The following MBP variants were observed in gnomAD, a reference collection of about 807,000 sequenced individuals.
MBP encodes the protein Golli-MBP.
A neutral mutation model predicts 35.8 loss-of-function variants in MBP; 16 were observed. The ratio of observed to expected loss-of-function variants is 0.45; its 90% CI spans 0.30 to 0.68. MBP has a LOEUF of 0.68. MBP is among the 30% of genes least tolerant of loss of function. The pLI is 0.08. For synonymous variants in MBP, 143 were observed against 159.6 expected (o/e 0.90, Z 0.78); for missense variants, 380 against 404.7 (o/e 0.94, Z 0.52).
rs1248971304 is a variant in MBP at position 77,028,539 on chromosome 18, G to A, written c.140-11271C>T. ...CCAGACGGGGTGGTGGCCGGGCAGA[G>A]GGGCTCCTCACTTCCCAGTAGGGGC... On this transcript the variant is annotated intron_variant, in intron 3 of 8. Coordinates refer to ENST00000355994, the MANE Select transcript of MBP (RefSeq NM_001025101.2). Among the ~76,000 whole-genome samples the A allele has an allele frequency of 6.6e-3, 633 of 96,326 alleles. 1 individual carries two copies. Among genetic ancestry groups the A allele is most frequent in the African/African-American group, 0.018 (595 of 32,472 alleles). 63.2% of individuals were successfully genotyped at this position (96,326 alleles called of 152,430 possible). A position where few individuals can be genotyped will look rare whatever the true frequency, so the allele number is the denominator to read the frequency against.
intron 3 of MBP, among the ~76,000 whole-genome samples, chr18:77,043,571 T>A (rs470479): frequency 0.78 from 117,262 of 150,956 alleles, 45,439 homozygotes; most frequent in Admixed American, 0.83. Flanking sequence ...CCTGCTGCGA[T>A]CATCCCAGGC....
At chr18:76,999,638 C>T (rs554848805) in intron 4 of MBP, among the ~76,000 whole-genome samples, 5 of 152,014 alleles carry the variant, frequency 3.3e-5, no homozygotes, top group East Asian at 3.9e-4. Context: ...TCAGTGGAGA[C>T]GAGTTTCACC....
At chr18:77,090,319 C>A (rs1156477236) in intron 2 of MBP, among the ~76,000 whole-genome samples, 2 of 152,210 alleles carry the variant, frequency 1.3e-5, no homozygotes, top group African/African-American at 2.4e-5. Context: ...TCACATCCTA[C>A]CATTTGCCTC....
At chr18:76,994,279 A>G (rs151299994) in intron 4 of MBP, among the ~76,000 whole-genome samples, 176 of 152,346 alleles carry the variant, frequency 1.2e-3, no homozygotes, top group African/African-American at 3.9e-3. Context: ...TTTGGATAGC[A>G]TTTCTCCATT....
In MBP at chr18:77,033,757, CCCATCCATCCAT is replaced by C. The variant is rs145059208; in HGVS notation, c.140-16501_140-16490del. Among the ~76,000 whole-genome samples, 1,142 of 120,558 alleles carry C rather than the reference CCCATCCATCCAT, an allele frequency of 9.5e-3. 42 individuals carry two copies. In the East Asian group the frequency reaches 0.12, roughly 12 times the overall value. The allele number at this position is 120,558 out of a possible 152,430, so 79.1% of individuals were successfully genotyped here. A position where few individuals can be genotyped will look rare whatever the true frequency, so the allele number is the denominator to read the frequency against. ...ATTTATCTACCTATGCATCAATCCA[CCCATCCATCCAT>C]CCATCCATCCATCCATCCATCCATC... is the stretch of plus-strand genomic sequence containing the variant. On this transcript the variant is annotated intron_variant, in intron 3 of 8. Coordinates refer to ENST00000355994, the MANE Select transcript of MBP (RefSeq NM_001025101.2).
At chr18:77,128,715 A>G (rs1265927304) in intron 1 of MBP, among the ~76,000 whole-genome samples, 1 of 152,218 alleles carries the variant, frequency 6.6e-6, no homozygotes, top group Non-Finnish European at 1.5e-5. Flanking sequence ...GTGAATCTAC[A>G]TGATCTCAAA....
At chr18:77,098,847 T>A (rs1484867934) in intron 2 of MBP, among the ~76,000 whole-genome samples, 5 of 152,188 alleles carry the variant, frequency 3.3e-5, no homozygotes, top group Non-Finnish European at 4.4e-5. Context: ...TCCTTGTTCC[T>A]CCTCCGCGCT....
chr18:77,003,014 G>A (rs1363624784), intron 4 of MBP: 1 of 152,196 alleles, frequency 6.6e-6, no homozygotes, highest in Admixed American at 6.5e-5. Flanking sequence ...AATGAGGGAA[G>A]CTTCAATTGC....
At chr18:77,081,749 C>CATATAT (rs3056773) in intron 2 of MBP, among the ~76,000 whole-genome samples, 1 of 136,172 alleles carries the variant, frequency 7.3e-6, no homozygotes, top group Non-Finnish European at 1.5e-5. Flanking sequence ...TTCATAGCAG[C>CATATAT]ATATATATAT....
chr18:76,993,573 A>C (rs891501720), intron 4 of MBP, among the ~76,000 whole-genome samples: 3 of 151,714 alleles, frequency 2.0e-5, no homozygotes, highest in Non-Finnish European at 2.9e-5. Flanking sequence ...AAAAAACAAA[A>C]GATCCCATTT....
At chr18:77,002,469 G>GT (rs1171421322) in intron 4 of MBP, among the ~76,000 whole-genome samples, 1 of 152,232 alleles carries the variant, frequency 6.6e-6, no homozygotes. Flanking sequence ...TCTTAATCAA[G>GT]TAAGTGGTCC....
chr18:76,982,537 G>A (rs1049376221), intron 8 of MBP: 2 of 152,192 alleles, frequency 1.3e-5, no homozygotes, highest in East Asian at 1.9e-4. Flanking sequence ...TGTAGTTTCC[G>A]AGTGATGGGG....
Position 77,096,073 on chromosome 18 carries a change from G to A in MBP, c.51+9138C>T, listed in dbSNP as rs192695862. On this transcript the variant is annotated intron_variant, in intron 2 of 8. Coordinates refer to ENST00000355994, the MANE Select transcript of MBP (RefSeq NM_001025101.2). ...TAAATACCCTGACAATCTCTTGCACGTAGGATAAAATGTTGCAGGATTTAT... is the reference window on the plus strand; with the variant it reads ...TAAATACCCTGACAATCTCTTGCACATAGGATAAAATGTTGCAGGATTTAT... 1.7e-3 allele frequency among the ~76,000 whole-genome samples: 254 copies of A among 152,346 alleles called. 1 individual carries two copies. Among genetic ancestry groups the A allele is most frequent in the Non-Finnish European group, 3.2e-3 (218 of 68,018 alleles).
chr18:77,027,571 G>C (rs1317332139), intron 3 of MBP, among the ~76,000 whole-genome samples: 1 of 128,668 alleles, frequency 7.8e-6, no homozygotes, highest in East Asian at 2.1e-4. Flanking sequence ...CATACACATA[G>C]AGCTCACAAC....
At chr18:77,087,836 G>T (rs1047222712) in intron 2 of MBP, among the ~76,000 whole-genome samples, 27 of 152,210 alleles carry the variant, frequency 1.8e-4, no homozygotes, top group African/African-American at 6.3e-4. Context: ...CCACGCACGT[G>T]GGCTGGGATC....
At chr18:77,063,840 G>A (rs886934858) in intron 3 of MBP, among the ~76,000 whole-genome samples, 3 of 152,050 alleles carry the variant, frequency 2.0e-5, no homozygotes, top group Non-Finnish European at 2.9e-5. Context: ...AAAGGGCTAA[G>A]TATAGAAGAC....
chr18:77,079,731 TTC>T (rs1054045830), intron 2 of MBP, among the ~76,000 whole-genome samples: 2 of 152,240 alleles, frequency 1.3e-5, no homozygotes, highest in Non-Finnish European at 2.9e-5. Flanking sequence ...CAAAGGTAAA[TTC>T]TCTCTCTCGC....
At chr18:77,015,314 A>C in intron 4 of MBP, 1 of 985,412 alleles carries the variant, frequency 1.0e-6, no homozygotes. Context: ...AAGCTTTCAA[A>C]ACTGGTGATG....
chr18:76,995,633 A>C (rs1354703657), intron 4 of MBP, among the ~76,000 whole-genome samples: 1 of 152,150 alleles, frequency 6.6e-6, no homozygotes, highest in Non-Finnish European at 1.5e-5. Flanking sequence ...GTTAAAAAAA[A>C]CAACGACCAC....
Sources: gnomAD v4.1 joint callset for allele counts (sites outside exome capture counted in the v4.1 genomes callset) on GRCh38, gnomAD v4.1.1 for gene constraint, MANE v1.5 for transcripts, NCBI Gene and HGNC (gene_info 2026-07-23, HGNC 2026-07-21) for gene names.